Variants in ZNF609 observed in about 807,000 individuals in gnomAD.
The protein encoded by ZNF609 is zinc finger protein 609.
Under a neutral mutation model 109.5 loss-of-function variants are expected in ZNF609, and 11 were observed. The ratio of observed to expected loss-of-function variants is 0.10; its 90% CI spans 0.06 to 0.17. ZNF609 has a LOEUF of 0.17. Among genes scored for constraint, ZNF609 ranks in the 10% least tolerant of loss-of-function variants. The pLI, the probability that ZNF609 is intolerant of heterozygous loss-of-function variation, is 1.00. For missense variants in ZNF609, 1,559 were observed against 1,772.4 expected, an observed-to-expected ratio of 0.88 and a Z score of 2.16; for synonymous variants, 646 against 662.0, an observed-to-expected ratio of 0.98 and a Z score of 0.37.
In ZNF609 at chr15:64,678,234, G is replaced by T; in HGVS notation, c.3521G>T (p.Ser1174Ile). 2 of 1,614,210 alleles carry T rather than the reference G, an allele frequency of 1.2e-6. No homozygotes were observed. Among genetic ancestry groups the T allele is most frequent in the Non-Finnish European group, 1.7e-6 (2 of 1,180,044 alleles). Residue 1174 changes from serine (S) to isoleucine (I), a missense_variant, in exon 6 of 10, where the codon AGT becomes ATT. By Grantham distance (142) the Ser-to-Ile change is moderately radical. Around this residue, in one of 4 missense-constraint regions of ZNF609, gnomAD observed 1,204 missense variants for 1,314.1 expected, o/e 0.92. Coordinates refer to ENST00000326648, the MANE Select transcript of ZNF609 (RefSeq NM_015042.2). ...AAATTGAAGGAGGAAAGGAGTCGGA[G>T]TAAGGACTCTGTCCCCAAGGAAGAT... ...DRKLKEERSRSKDSVPKEDGK... is the reference protein window; with the variant it reads ...DRKLKEERSRIKDSVPKEDGK...
At chr15:64,479,353 G>A (rs563332772) in intron 1 of ZNF609, among the ~76,000 whole-genome samples, 112 of 145,690 alleles carry the variant, frequency 7.7e-4, no homozygotes, top group African/African-American at 2.6e-3. Context: ...GTGCAGTGGC[G>A]CAATCTCGGC....
intron 3 of ZNF609, among the ~76,000 whole-genome samples, chr15:64,628,001 G>T (rs1447751088): frequency 2.0e-5 from 3 of 151,568 alleles, no homozygotes; most frequent in African/African-American, 7.3e-5. Context: ...GGCCAGGTGT[G>T]GTGGCTCATG....
At chr15:64,547,192 T>G (rs1009357503) in intron 2 of ZNF609, among the ~76,000 whole-genome samples, 1 of 152,226 alleles carries the variant, frequency 6.6e-6, no homozygotes, top group Non-Finnish European at 1.5e-5. Flanking sequence ...GTGTATGACC[T>G]TATATCAATG....
chr15:64,515,007 A>T (rs1356769850), intron 2 of ZNF609, among the ~76,000 whole-genome samples: 1 of 151,930 alleles, frequency 6.6e-6, no homozygotes, highest in African/African-American at 2.4e-5. Context: ...AACATTTTAC[A>T]TTTGTTGTTG....
Position 64,674,925 on chromosome 15 carries a change from G to A in ZNF609, c.2071G>A (p.Val691Met). 6.2e-7 allele frequency: 1 copy of A among 1,613,948 alleles called. No individual in the cohort carries two copies. The highest frequency in any genetic ancestry group is 2.2e-5 in the East Asian group (1 of 44,876). ...PGSSSGLTAT[V>M]AQAMPNSPQL... ...CTCTTCCTCAGGCTTGACCGCCACA[G>A]TGGCACAAGCCATGCCCAACAGTCC... is the stretch of plus-strand genomic sequence containing the variant. The change falls in exon 5 of 10, where the codon GTG becomes ATG. Residue 691 changes from valine (V) to methionine (M), a missense_variant. Val to Met is a conservative substitution (Grantham distance 21, BLOSUM62 1). This residue lies in a region of ZNF609 where 1,204 missense variants were observed against 1,314.1 expected (regional missense o/e 0.92). Coordinates refer to ENST00000326648, the MANE Select transcript of ZNF609 (RefSeq NM_015042.2).
chr15:64,508,360 A>G (rs1215233806), intron 2 of ZNF609, among the ~76,000 whole-genome samples: 1 of 152,168 alleles, frequency 6.6e-6, no homozygotes, highest in Non-Finnish European at 1.5e-5. Context: ...TTCTGTCCTT[A>G]ATTTTCCTTT....
chr15:64,621,240 C>T (rs912968750), intron 2 of ZNF609, among the ~76,000 whole-genome samples: 5 of 152,264 alleles, frequency 3.3e-5, no homozygotes, highest in Non-Finnish European at 7.4e-5. Flanking sequence ...ATATGCAAGA[C>T]GTTATGCTCA....
intron 1 of ZNF609, among the ~76,000 whole-genome samples, chr15:64,468,216 C>T (rs931441143): frequency 2.0e-5 from 3 of 150,388 alleles, no homozygotes; most frequent in Non-Finnish European, 3.0e-5. Flanking sequence ...CCTTCCTCTC[C>T]TTCCTCTCTT....
At chr15:64,645,091 C>CTCCCTCCCTCCCTCCCTCCCTCCATCCA (rs1555424688) in intron 3 of ZNF609, among the ~76,000 whole-genome samples, 1 of 59,000 alleles carries the variant, frequency 1.7e-5, no homozygotes, top group African/African-American at 6.4e-5. Context: ...CTTTCCCTCC[C>CTCCCTCCCTCCCTCCCTCCCTCCATCCA]TCCCTCCCTC....
intron 2 of ZNF609, among the ~76,000 whole-genome samples, chr15:64,506,200 G>A (rs1242902884): frequency 6.6e-6 from 1 of 151,266 alleles, no homozygotes; most frequent in Non-Finnish European, 1.5e-5. Context: ...CCAGGCTGGA[G>A]TGCAGTGGTG....
chr15:64,582,479 C>G (rs1421510242), intron 2 of ZNF609, among the ~76,000 whole-genome samples: 4 of 152,158 alleles, frequency 2.6e-5, no homozygotes, highest in Non-Finnish European at 5.9e-5. Flanking sequence ...GAGCATTACA[C>G]TCTTTTTCAA....
chr15:64,600,727 GAAAAA>G (rs887599394), intron 2 of ZNF609, among the ~76,000 whole-genome samples: 2 of 149,752 alleles, frequency 1.3e-5, no homozygotes, highest in African/African-American at 4.9e-5. Flanking sequence ...GGGAAAGAAA[GAAAAA>G]AAAGAAAAAT....
At chr15:64,523,926 T>TA (rs1310457134) in intron 2 of ZNF609, among the ~76,000 whole-genome samples, 1 of 151,738 alleles carries the variant, frequency 6.6e-6, no homozygotes, top group African/African-American at 2.4e-5. Context: ...GGTTATTATT[T>TA]AAAAAAAAGT....
At chr15:64,636,445 T>G (rs1453353021) in intron 3 of ZNF609, among the ~76,000 whole-genome samples, 1 of 152,202 alleles carries the variant, frequency 6.6e-6, no homozygotes, top group Admixed American at 6.5e-5. Context: ...CAAATAATTT[T>G]CTACCCCCAT....
At chr15:64,572,633 C>CT (rs1412141140) in intron 2 of ZNF609, among the ~76,000 whole-genome samples, 10 of 152,148 alleles carry the variant, frequency 6.6e-5, no homozygotes, top group African/African-American at 2.4e-4. Flanking sequence ...TGGCTCACAC[C>CT]TGTAACCCCA....
Position 64,622,913 on chromosome 15 carries a change from G to T in ZNF609, c.834G>T (p.Glu278Asp). 5 of 1,614,188 alleles carry T rather than the reference G, an allele frequency of 3.1e-6. No individual in the cohort carries two copies. Among genetic ancestry groups the T allele is most frequent in the Non-Finnish European group, 4.2e-6 (5 of 1,180,002 alleles). ...ACAATGACATCTCATCTCCCTGTGAGCAGATCATGGTTCGTACCCGATCAG... is the reference window on the plus strand; with the variant it reads ...ACAATGACATCTCATCTCCCTGTGATCAGATCATGGTTCGTACCCGATCAG... ...VVNNDISSPC[E>D]QIMVRTRSVG... The change falls in exon 3 of 10, where the codon GAG becomes GAT. Residue 278 changes from glutamate (E) to aspartate (D), a missense_variant. Coordinates refer to ENST00000326648, the MANE Select transcript of ZNF609 (RefSeq NM_015042.2).
Position 64,500,013 on chromosome 15 carries a change from T to C in ZNF609, c.594T>C (p.Tyr198=), listed in dbSNP as rs1893538480. ...PVPLGGRGGQ[Y]DGSAGVDTGA... is the part of the protein sequence containing the mutation. ...CCTTGGGAGGACGGGGTGGTCAGTA[T>C]GATGGAAGTGCAGGGGTGGATACAG... Residue 198 remains tyrosine (Y), a synonymous_variant, in exon 2 of 10, where the codon TAT becomes TAC. Coordinates refer to ENST00000326648, the MANE Select transcript of ZNF609 (RefSeq NM_015042.2). 1.2e-6 allele frequency: 2 copies of C among 1,613,942 alleles called. No individual in the cohort carries two copies. Among genetic ancestry groups the C allele is most frequent in the Non-Finnish European group, 1.7e-6 (2 of 1,179,958 alleles).
intron 2 of ZNF609, among the ~76,000 whole-genome samples, chr15:64,555,476 C>A (rs1424190337): frequency 2.0e-5 from 3 of 151,856 alleles, no homozygotes; most frequent in East Asian, 1.9e-4. Context: ...CCAGCCTGGG[C>A]AGCATGGTGA....
chr15:64,517,352 A>G (rs1053093080), intron 2 of ZNF609, among the ~76,000 whole-genome samples: 2 of 152,178 alleles, frequency 1.3e-5, no homozygotes, highest in African/African-American at 2.4e-5. Flanking sequence ...ATTCCAGCCT[A>G]GGTGACAGAG....
Sources: gnomAD v4.1 joint callset for allele counts (sites outside exome capture counted in the v4.1 genomes callset) on GRCh38, gnomAD v4.1.1 for gene constraint, gnomAD v4.1.1 regional missense constraint, MANE v1.5 for transcripts, NCBI Gene and HGNC (gene_info 2026-07-23, HGNC 2026-07-21) for gene names.